HEMK2: variants seen among roughly 807,000 people sequenced by gnomAD.
The protein encoded by HEMK2 is methyltransferase HEMK2.
the HEMK2 span, among the ~76,000 whole-genome samples, chr21:28,586,422 T>C: frequency 1.3e-5 from 2 of 152,202 alleles, no homozygotes; most frequent in Non-Finnish European, 1.5e-5. Flanking sequence ...CTGATAATCA[T>C]AAATAAAGCT....
the HEMK2 span, among the ~76,000 whole-genome samples, chr21:28,879,100 TTA>T: frequency 0.53 from 48,555 of 92,318 alleles, 10,715 homozygotes; most frequent in South Asian, 0.61. Flanking sequence ...TTTTTTTTTT[TTA>T]GAGACAGGGT....
At chr21:28,740,262 T>C in the HEMK2 span, among the ~76,000 whole-genome samples, 2 of 152,234 alleles carry the variant, frequency 1.3e-5, no homozygotes, top group African/African-American at 4.8e-5. Flanking sequence ...TATTTACTTT[T>C]GTCTATTTGT....
At chr21:28,885,201 C>A in the HEMK2 span, 5 of 1,559,922 alleles carry the variant, frequency 3.2e-6, no homozygotes, top group Non-Finnish European at 4.4e-6. Flanking sequence ...GAGCCCCTCC[C>A]CTCCTCGCAC....
At chr21:28,629,527 T>A in the HEMK2 span, among the ~76,000 whole-genome samples, 1 of 152,212 alleles carries the variant, frequency 6.6e-6, no homozygotes, top group East Asian at 1.9e-4. Flanking sequence ...TGGGTATGTA[T>A]CTGACAGCCA....
chr21:28,695,403 C>G, the HEMK2 span, among the ~76,000 whole-genome samples: 1 of 151,988 alleles, frequency 6.6e-6, no homozygotes, highest in Non-Finnish European at 1.5e-5. Flanking sequence ...AAGACATACC[C>G]AAGACTGGGT....
chr21:28,585,200 T>A, the HEMK2 span, among the ~76,000 whole-genome samples: 1 of 151,958 alleles, frequency 6.6e-6, no homozygotes, highest in Non-Finnish European at 1.5e-5. Context: ...AGCATGGTGG[T>A]GCATGCCTGT....
chr21:28,642,674 C>G, the HEMK2 span, among the ~76,000 whole-genome samples: 3 of 152,150 alleles, frequency 2.0e-5, no homozygotes, highest in Admixed American at 2.0e-4. Context: ...TGGCTTTCAG[C>G]AGAAAGGGAT....
chr21:28,706,518 T>C, the HEMK2 span, among the ~76,000 whole-genome samples: 5 of 152,268 alleles, frequency 3.3e-5, no homozygotes, highest in East Asian at 9.6e-4. Flanking sequence ...AATGAGCTAG[T>C]TTCATAAACT....
At chr21:28,834,054 G>A in the HEMK2 span, among the ~76,000 whole-genome samples, 1 of 152,206 alleles carries the variant, frequency 6.6e-6, no homozygotes. Flanking sequence ...GTGCAACGTG[G>A]TTTATGCTTG....
At chr21:28,744,444 C>G in the HEMK2 span, among the ~76,000 whole-genome samples, 1 of 152,104 alleles carries the variant, frequency 6.6e-6, no homozygotes, top group African/African-American at 2.4e-5. Flanking sequence ...CGAACACTTT[C>G]ATCTGCAGTG....
chr21:28,640,934 C>T, the HEMK2 span, among the ~76,000 whole-genome samples: 7 of 152,122 alleles, frequency 4.6e-5, no homozygotes, highest in Non-Finnish European at 1.0e-4. Flanking sequence ...GTGAAGACAC[C>T]CTTTGACACT....
the HEMK2 span, among the ~76,000 whole-genome samples, chr21:28,686,789 G>C: frequency 6.6e-6 from 1 of 152,176 alleles, no homozygotes; most frequent in African/African-American, 2.4e-5. Flanking sequence ...CTGGATTGAA[G>C]GGAATCAAAC....
the HEMK2 span, among the ~76,000 whole-genome samples, chr21:28,742,530 AGACTTT>A: frequency 1.2e-4 from 19 of 152,330 alleles, no homozygotes; most frequent in African/African-American, 3.6e-4. Flanking sequence ...ACTTATCCAA[AGACTTT>A]TCAAGGGGAG....
chr21:28,801,503 AT>A, the HEMK2 span, among the ~76,000 whole-genome samples: 2 of 152,296 alleles, frequency 1.3e-5, no homozygotes, highest in South Asian at 4.1e-4. Flanking sequence ...AAAAGAAAAA[AT>A]GATAATTTGA....
chr21:28,749,819 G>A, the HEMK2 span, among the ~76,000 whole-genome samples: 1 of 152,040 alleles, frequency 6.6e-6, no homozygotes, highest in African/African-American at 2.4e-5. Context: ...AGAGAGATAG[G>A]GTATCTCTTA....
the HEMK2 span, among the ~76,000 whole-genome samples, chr21:28,692,687 T>C: frequency 6.6e-6 from 1 of 152,298 alleles, no homozygotes; most frequent in South Asian, 2.1e-4. Context: ...AAACATGATC[T>C]ATGCAAAAAC....
chr21:28,870,567 A>G, the HEMK2 span, among the ~76,000 whole-genome samples: 1 of 151,932 alleles, frequency 6.6e-6, no homozygotes, highest in South Asian at 2.1e-4. Context: ...ACACTCGCTA[A>G]TTTTTTTATT....
At chr21:28,854,503 T>G in the HEMK2 span, among the ~76,000 whole-genome samples, 3 of 149,880 alleles carry the variant, frequency 2.0e-5, no homozygotes, top group African/African-American at 7.4e-5. Flanking sequence ...TATATCTATA[T>G]CTATAGATAT....
chr21:28,742,299 G>A, the HEMK2 span, among the ~76,000 whole-genome samples: 1,006 of 152,270 alleles, frequency 6.6e-3, 15 homozygotes, highest in African/African-American at 0.023. Context: ...GTTTCTTTAC[G>A]TTTGCCACAG....
Sources: gnomAD v4.1 joint callset for allele counts (sites outside exome capture counted in the v4.1 genomes callset) on GRCh38, gnomAD v4.1.1 for gene constraint, MANE v1.5 for transcripts, NCBI Gene and HGNC (gene_info 2026-07-23, HGNC 2026-07-21) for gene names.